TOGARAM1: variants seen among roughly 807,000 people sequenced by gnomAD.
The protein encoded by TOGARAM1 is TOG array regulator of axonemal microtubules protein 1.
TOGARAM1 carries 100 observed loss-of-function variants against 166.6 expected under a neutral mutation model. The ratio of observed to expected loss-of-function variants is 0.60; its 90% CI spans 0.51 to 0.71. The LOEUF (loss-of-function observed/expected upper bound fraction) is 0.71. TOGARAM1 is among the 30% of genes least tolerant of loss of function. The probability of loss-of-function intolerance (pLI) is 0.00; values close to 1 mark genes in which losing one functional copy is unlikely to be tolerated. For synonymous variants in TOGARAM1, 758 were observed against 763.8 expected, an observed-to-expected ratio of 0.99 and a Z score of 0.13; for missense variants, 2,029 against 2,102.7, an observed-to-expected ratio of 0.96 and a Z score of 0.69.
Position 44,964,413 on chromosome 14 carries a change from G to A in TOGARAM1, c.1992G>A (p.Glu664=). 1.4e-5 allele frequency: 23 copies of A among 1,610,780 alleles called. No homozygotes were observed. Among genetic ancestry groups the A allele is most frequent in the Non-Finnish European group, 2.0e-5 (23 of 1,178,182 alleles). The change falls in exon 1 of 20, where the codon GAG becomes GAA. Residue 664 remains glutamate, a synonymous_variant. Coordinates refer to ENST00000361462, the MANE Select transcript of TOGARAM1 (RefSeq NM_001308120.2). ...AAAATAAATTACCATGGGAAAATGA[G>A]CAACCTGGAATCATGGGAGAAAACC... ...KGKNKLPWEN[E]QPGIMGENQT... is the part of the protein sequence containing the mutation.
rs1413248103 is a variant in TOGARAM1, at chr14:45,025,563, C to CAA, written c.3239-205_3239-204dup. On this transcript the variant is annotated intron_variant, in intron 7 of 19. Coordinates refer to ENST00000361462, the MANE Select transcript of TOGARAM1 (RefSeq NM_001308120.2). Reference sequence around the variant, plus strand: ...TGGGCGACAGAGCGAGACTCCATCTCAAAAAAAAAAAAAAAAGGAAAGGAA... The same window carrying CAA: ...TGGGCGACAGAGCGAGACTCCATCTCAAAAAAAAAAAAAAAAAAGGAAAGGAA... 7.9e-3 allele frequency: 1,789 copies of CAA among 227,500 alleles called. 1 individual carries two copies. Among genetic ancestry groups the CAA allele is most frequent in the South Asian group, 0.017 (291 of 17,466 alleles). 14.1% of individuals were successfully genotyped at this position (227,500 alleles called of 1,614,324 possible). A position where few individuals can be genotyped will look rare whatever the true frequency, so the allele number is the denominator to read the frequency against.
chr14:45,007,261 G>A (rs1322210114), intron 5 of TOGARAM1: 1 of 150,202 alleles, frequency 6.7e-6, no homozygotes, highest in Non-Finnish European at 1.5e-5. Flanking sequence ...AACCTATAAA[G>A]TACCAAAGTT....
At chr14:44,976,202 C>T (rs1292495858) in intron 1 of TOGARAM1, among the ~76,000 whole-genome samples, 3 of 152,188 alleles carry the variant, frequency 2.0e-5, no homozygotes, top group African/African-American at 7.2e-5. Context: ...TAATAGCCCC[C>T]TTTCCCCTTA....
At chr14:45,037,654 G>T (rs2899961) in intron 11 of TOGARAM1, among the ~76,000 whole-genome samples, 4,096 of 152,224 alleles carry the variant, frequency 0.027, 155 homozygotes, top group Admixed American at 0.11. Context: ...TAATAGAACT[G>T]CAAGGAGAAA....
At chr14:45,055,636 C>T (rs1273812731) in intron 16 of TOGARAM1, among the ~76,000 whole-genome samples, 1 of 151,730 alleles carries the variant, frequency 6.6e-6, no homozygotes, top group Non-Finnish European at 1.5e-5. Context: ...AACCCCGTCT[C>T]TAGTAAAACT....
Position 45,028,287 on chromosome 14 carries a change from G to A in TOGARAM1, c.3616G>A (p.Glu1206Lys), listed in dbSNP as rs537501530. Residue 1206 changes from glutamate (E) to lysine (K), a missense_variant, in exon 10 of 20, where the codon GAA becomes AAA. Around this residue, in one of 2 missense-constraint regions of TOGARAM1, gnomAD observed 1,453 missense variants for 1,432.2 expected, o/e 1.01. Transcript: ENST00000361462. ...TGAAAAGAAGGAAAAAAATTCCTGG[G>A]AACGAATGAGACATACAGGAACTGA... ...DCEKKEKNSW[E>K]RMRHTGTEKM... 6 of 1,601,052 alleles carry A rather than the reference G, an allele frequency of 3.7e-6. No homozygotes were observed. The South Asian group carries it at 6.8e-5, about 18-fold the overall frequency.
intron 4 of TOGARAM1, among the ~76,000 whole-genome samples, chr14:45,004,783 A>G (rs1483953998): frequency 6.6e-6 from 1 of 152,090 alleles, no homozygotes; most frequent in Non-Finnish European, 1.5e-5. Context: ...ATGAACATGA[A>G]CAACATATGT....
At chr14:44,993,942 T>A (rs1188889896) in intron 1 of TOGARAM1, among the ~76,000 whole-genome samples, 1 of 152,250 alleles carries the variant, frequency 6.6e-6, no homozygotes, top group African/African-American at 2.4e-5. Flanking sequence ...TTACTCACTA[T>A]GTTAGCTGTA....
At position 45,028,252 on chromosome 14, in the gene TOGARAM1, A is replaced by T; in HGVS notation, c.3581A>T (p.Asn1194Ile). The T allele has an allele frequency of 6.2e-7, 1 of 1,606,390 alleles. No individual in the cohort carries two copies. Among genetic ancestry groups the T allele is most frequent in the Non-Finnish European group, 8.5e-7 (1 of 1,177,888 alleles). Residue 1194 changes from asparagine to isoleucine, a missense_variant, in exon 10 of 20, where the codon AAT becomes ATT. Physicochemically the swap from Asn to Ile is moderately radical, Grantham distance 149. Transcript: ENST00000361462. The part of the protein sequence containing the change: ...KRKEEKELFH[N>I]KDCEKKEKNS... ...AAAGAAGAGAAAGAACTGTTTCACA[A>T]TAAAGATTGTGAAAAGAAGGAAAAA...
At chr14:45,057,888 G>A (rs1882716409) in intron 16 of TOGARAM1, among the ~76,000 whole-genome samples, 1 of 152,180 alleles carries the variant, frequency 6.6e-6, no homozygotes, top group Non-Finnish European at 1.5e-5. Context: ...AATGTTCCAT[G>A]TGCTGATGAG....
At chr14:45,046,225 G>C (rs767207653) in intron 13 of TOGARAM1, among the ~76,000 whole-genome samples, 3 of 152,232 alleles carry the variant, frequency 2.0e-5, no homozygotes, top group Non-Finnish European at 4.4e-5. Context: ...CTTGAGTCCA[G>C]GAGTTCGAGA....
intron 1 of TOGARAM1, among the ~76,000 whole-genome samples, chr14:44,992,640 A>C (rs1201115178): frequency 9.7e-6 from 1 of 102,884 alleles, no homozygotes; most frequent in East Asian, 3.1e-4. Context: ...TTTTTTTGAG[A>C]TGAGTCTCCC....
chr14:45,007,952 G>T (rs1879560658), intron 5 of TOGARAM1: 1 of 152,076 alleles, frequency 6.6e-6, no homozygotes, highest in Admixed American at 6.6e-5. Flanking sequence ...TAGGATTCAA[G>T]CACTGTTCAC....
At chr14:45,050,968 CTG>C (rs1030857034) in intron 14 of TOGARAM1, among the ~76,000 whole-genome samples, 2 of 152,140 alleles carry the variant, frequency 1.3e-5, no homozygotes, top group African/African-American at 4.8e-5. Flanking sequence ...AAAAGTGTAA[CTG>C]TGATTTATTT....
intron 1 of TOGARAM1, among the ~76,000 whole-genome samples, chr14:44,966,885 T>C (rs533177425): frequency 3.9e-5 from 6 of 152,174 alleles, no homozygotes; most frequent in Non-Finnish European, 8.8e-5. Flanking sequence ...AGCCCAGGAG[T>C]TCCAGACTGC....
chr14:45,040,613 C>T (rs1881677681), intron 11 of TOGARAM1, among the ~76,000 whole-genome samples: 1 of 152,194 alleles, frequency 6.6e-6, no homozygotes, highest in Non-Finnish European at 1.5e-5. Context: ...AACATCACTA[C>T]TGATCATACA....
chr14:45,024,593 T>C (rs1023221852), intron 7 of TOGARAM1, among the ~76,000 whole-genome samples: 3 of 152,228 alleles, frequency 2.0e-5, no homozygotes, highest in African/African-American at 7.2e-5. Flanking sequence ...AGTTTATGTA[T>C]AGATTTTATG....
At chr14:45,019,686 A>G (rs141615207) in intron 7 of TOGARAM1, among the ~76,000 whole-genome samples, 7,282 of 152,172 alleles carry the variant, frequency 0.048, 565 homozygotes, top group African/African-American at 0.17. Context: ...AGCTCTCTTT[A>G]CTACCTGATT....
At chr14:45,061,133 GTTTA>G (rs1224825821) in intron 16 of TOGARAM1, among the ~76,000 whole-genome samples, 1 of 151,956 alleles carries the variant, frequency 6.6e-6, no homozygotes, top group Non-Finnish European at 1.5e-5. Context: ...TCCTTCATAT[GTTTA>G]TTTATGCAAA....
Sources: allele counts gnomAD v4.1 joint callset (sites outside exome capture counted in the v4.1 genomes callset), GRCh38; gene constraint gnomAD v4.1.1; regional missense constraint gnomAD v4.1.1; transcripts MANE v1.5; gene names NCBI Gene and HGNC (gene_info 2026-07-23, HGNC 2026-07-21).